The following LGALS12 variants were observed in gnomAD, a reference collection of about 807,000 sequenced individuals.
The protein encoded by LGALS12 is galectin 12, also known as galectin-12.
Under a neutral mutation model 36.8 loss-of-function variants are expected in LGALS12, and 36 were observed. The ratio of observed to expected loss-of-function variants is 0.98; its 90% CI spans 0.75 to 1.29. The LOEUF (loss-of-function observed/expected upper bound fraction) is 1.29, where lower values mean the gene tolerates loss of function less well. Ranked by LOEUF, LGALS12 falls within the 50% of genes most tolerant of loss-of-function variation. LGALS12 has a pLI of 0.00. For synonymous variants in LGALS12, 145 were observed against 155.9 expected (o/e 0.93, Z 0.52); for missense variants, 366 against 394.3 (o/e 0.93, Z 0.61).
At chr11:63,516,185 G>T in intron 8 of LGALS12, 62 bp from the exon 9 acceptor site, 1 of 1,515,908 alleles carries the variant, frequency 6.6e-7, no homozygotes, top group Non-Finnish European at 8.8e-7. Context: ...TGGAGAGAGC[G>T]TCAGGCAGAC....
At position 63,516,325 on chromosome 11, in the gene LGALS12, C is replaced by G. The variant is rs749569763; in HGVS notation, c.877C>G (p.Gln293Glu). Residue 293 changes from glutamine to glutamate, a missense_variant, in exon 9 of 9, where the codon CAG (glutamine) becomes GAG (glutamate). Physicochemically the swap from Gln to Glu is conservative, Grantham distance 29 (BLOSUM62 2). Coordinates refer to ENST00000394618, the MANE Select transcript of LGALS12 (RefSeq NM_033101.4). ...QGLGATSMNQ[Q>E]ALEQLRELRI... ...GCTGGGGGCCACCAGCATGAACCAG[C>G]AGGCCCTGGAGCAGCTGCGGGAGCT... The G allele has an allele frequency of 1.9e-6, 3 of 1,613,162 alleles. No individual in the cohort carries two copies. The highest frequency in any genetic ancestry group is 3.3e-5 in the Admixed American group (2 of 59,942).
At position 63,506,209 on chromosome 11, in the gene LGALS12, G is replaced by A. The variant is rs1443016554; in HGVS notation, c.-250G>A. The A allele has an allele frequency of 4.8e-6, 3 of 625,276 alleles. No individual in the cohort carries two copies. The East Asian group carries it at 8.4e-5, about 17-fold the overall frequency. 38.7% of individuals were successfully genotyped at this position (625,276 alleles called of 1,614,324 possible). On this transcript the variant is annotated 5_prime_UTR_variant, in exon 1 of 9. Transcript: ENST00000394618. ...CTTCCTCCCCTGGACACTGAGTTCT[G>A]CTGACAGCCCCCGCCCAGCCAGAGC...
chr11:63,508,750 G>A (rs371851552), intron 2 of LGALS12, 28 bp from the exon 3 acceptor site: 21 of 1,613,722 alleles, frequency 1.3e-5, no homozygotes, highest in Middle Eastern at 1.6e-4. Flanking sequence ...GGTCAGAACC[G>A]CACTTTGAGA....
intron 8 of LGALS12, 66 bp from the exon 9 acceptor site, chr11:63,516,181 G>C: frequency 6.6e-7 from 1 of 1,511,648 alleles, no homozygotes; most frequent in Non-Finnish European, 8.8e-7. Flanking sequence ...TCACTGGAGA[G>C]AGCGTCAGGC....
At chr11:63,506,829 T>G (rs1309001726) in intron 1 of LGALS12, among the ~76,000 whole-genome samples, 1 of 151,984 alleles carries the variant, frequency 6.6e-6, no homozygotes, top group East Asian at 1.9e-4. Context: ...GGGGGTAGGA[T>G]TGTTGGGGGA....
Position 63,516,535 on chromosome 11 carries a change from C to A in LGALS12, c.*142C>A. 1 of 992,918 alleles carries A rather than the reference C, an allele frequency of 1.0e-6. No homozygotes were observed. The highest frequency in any genetic ancestry group is 1.5e-6 in the Non-Finnish European group (1 of 662,494). 61.5% of individuals were successfully genotyped at this position (992,918 alleles called of 1,614,324 possible). A position where few individuals can be genotyped will look rare whatever the true frequency, so the allele number is the denominator to read the frequency against. On this transcript the variant is annotated 3_prime_UTR_variant, in exon 9 of 9. Transcript: ENST00000394618. ...CTCTGGGGTCACGAGACTGAGTCTA[C>A]AGGAGCTTTGGGCCTGAGGGAAGGC...
intron 7 of LGALS12, among the ~76,000 whole-genome samples, chr11:63,514,137 T>C (rs2017008126): frequency 6.6e-6 from 1 of 152,176 alleles, no homozygotes. Flanking sequence ...CCTCCTCCTG[T>C]AAGGATCTAC....
chr11:63,510,490 C>G lies in LGALS12; in HGVS notation c.520C>G (p.Pro174Ala). 1 of 1,614,110 alleles carries G rather than the reference C, an allele frequency of 6.2e-7. No individual in the cohort carries two copies. ...NPFVEGSREYPAGHPFLLMSP... is the reference protein window; with the variant it reads ...NPFVEGSREYAAGHPFLLMSP... ...ATTTGTGGAGGGCAGCAGAGAGTAC[C>G]CAGCTGGACATGTGAGTTTCTTGGC... The change falls in exon 5 of 9, where the codon CCA (proline) becomes GCA (alanine). Residue 174 changes from proline to alanine, a missense_variant. Coordinates refer to ENST00000394618, the MANE Select transcript of LGALS12 (RefSeq NM_033101.4).
intron 6 of LGALS12, among the ~76,000 whole-genome samples, chr11:63,511,372 C>G (rs2016915603): frequency 6.6e-6 from 1 of 152,180 alleles, no homozygotes; most frequent in Non-Finnish European, 1.5e-5. Flanking sequence ...TTATTGTGAA[C>G]ATCATTACTT....
At position 63,509,847 on chromosome 11, in the gene LGALS12, G is replaced by C. The variant is rs2016862700; in HGVS notation, c.442G>C (p.Gly148Arg). ...RLPLSHVDTL[G>R]IFGDILVEAV... ...CCCACTGTCTCATGTGGACACGCTG[G>C]GTATATTTGGTGACATCCTGGTAGA... The change falls in exon 4 of 9, where the codon GGT (glycine) becomes CGT (arginine). Residue 148 changes from glycine to arginine, a missense_variant. By Grantham distance (125) the Gly-to-Arg change is moderately radical (BLOSUM62 -2). Transcript: ENST00000394618. 2 of 1,613,974 alleles carry C rather than the reference G, an allele frequency of 1.2e-6. No individual in the cohort carries two copies. Among genetic ancestry groups the C allele is most frequent in the African/African-American group, 1.3e-5 (1 of 74,894 alleles).
At chr11:63,515,031 C>G (rs77178266) in intron 7 of LGALS12, among the ~76,000 whole-genome samples, 2,238 of 152,216 alleles carry the variant, frequency 0.015, 52 homozygotes, top group African/African-American at 0.05. Flanking sequence ...CAGGCAGGTA[C>G]AGGGCAGTTA....
At chr11:63,514,199 G>T (rs367798544) in intron 7 of LGALS12, among the ~76,000 whole-genome samples, 2 of 152,272 alleles carry the variant, frequency 1.3e-5, no homozygotes, top group African/African-American at 4.8e-5. Context: ...TACCTTACCT[G>T]CCTCTGCATC....
chr11:63,510,154 G>A (rs1319754299), intron 4 of LGALS12, among the ~76,000 whole-genome samples: 1 of 152,234 alleles, frequency 6.6e-6, no homozygotes, highest in African/African-American at 2.4e-5. Flanking sequence ...TTAACACTGA[G>A]AAGCAATGGC....
Position 63,516,293 on chromosome 11 carries a change from G to A in LGALS12, c.845G>A (p.Gly282Glu), listed in dbSNP as rs1431383996. The change falls in exon 9 of 9, where the codon GGG becomes GAG. Residue 282 changes from glycine (G) to glutamate (E), a missense_variant. Transcript: ENST00000394618. ...QEGGLKLALNGQGLGATSMNQ... is the reference protein window; with the variant it reads ...QEGGLKLALNEQGLGATSMNQ... ...GGAGGGCTGAAGCTGGCGCTCAATG[G>A]GCAGGGGCTGGGGGCCACCAGCATG... 1 of 1,608,442 alleles carries A rather than the reference G, an allele frequency of 6.2e-7. No homozygotes were observed. Among genetic ancestry groups the A allele is most frequent in the African/African-American group, 1.3e-5 (1 of 74,590 alleles).
rs1247775597 is a variant in LGALS12 at position 63,509,870 on chromosome 11, A to T, written c.465A>T (p.Val155=). Residue 155 remains valine (V), a synonymous_variant, in exon 4 of 9, where the codon GTA becomes GTT. Transcript: ENST00000394618. The part of the protein sequence containing the change: ...DTLGIFGDIL[V]EAVGFLNINP... The stretch of plus-strand genomic sequence containing the variant: ...TGGGTATATTTGGTGACATCCTGGT[A>T]GAGGCTGTTGGATTCCTGAACATCA... The T allele has an allele frequency of 6.2e-7, 1 of 1,614,090 alleles. No individual in the cohort carries two copies. Among genetic ancestry groups the T allele is most frequent in the Non-Finnish European group, 8.5e-7 (1 of 1,179,962 alleles).
rs201981372 is a variant in LGALS12, at chr11:63,511,145, G to T, written c.558+40G>T. On this transcript the variant is annotated intron_variant, in intron 6 of 8. Transcript: ENST00000394618. ...CTCCTGCTCTGTCAGGGCTGGGGGC[G>T]CAGCCTGGGTGAGCAGCTAATGAGC... is the stretch of plus-strand genomic sequence containing the variant. 27 of 1,594,482 alleles carry T rather than the reference G, an allele frequency of 1.7e-5. No homozygotes were observed. In the African/African-American group the frequency reaches 2.1e-4, roughly 13 times the overall value.
intron 1 of LGALS12, chr11:63,508,129 C>G: frequency 9.6e-7 from 1 of 1,046,178 alleles, no homozygotes; most frequent in South Asian, 3.3e-5. Flanking sequence ...CTGTCAGTTC[C>G]TAACTTGTCC....
At position 63,506,247 on chromosome 11, in the gene LGALS12, C is replaced by T; in HGVS notation, c.-212C>T. 2.5e-6 allele frequency: 2 copies of T among 808,724 alleles called. No homozygotes were observed. Among genetic ancestry groups the T allele is most frequent in the Non-Finnish European group, 1.9e-6 (1 of 519,682 alleles). The allele number at this position is 808,724 out of a possible 1,614,324, so 50.1% of individuals were successfully genotyped here. ...GCCCAGCCAGAGCTCTGCTGTATAC[C>T]ACCGGGAGTGGGGCTGGTGTGGAGC... On this transcript the variant is annotated 5_prime_UTR_variant, in exon 1 of 9. Transcript: ENST00000394618.
chr11:63,513,937 C>T (rs1167872145), intron 7 of LGALS12, among the ~76,000 whole-genome samples: 1 of 152,134 alleles, frequency 6.6e-6, no homozygotes, highest in African/African-American at 2.4e-5. Context: ...GGTAGGGAGA[C>T]ACTGAGGCCT....
Sources: allele counts gnomAD v4.1 joint callset (sites outside exome capture counted in the v4.1 genomes callset), GRCh38; gene constraint gnomAD v4.1.1; transcripts MANE v1.5; gene names NCBI Gene and HGNC (gene_info 2026-07-23, HGNC 2026-07-21).